DMTF1: variants seen among roughly 807,000 people sequenced by gnomAD.
DMTF1 encodes cyclin-D-binding Myb-like transcription factor 1.
DMTF1 carries 39 observed loss-of-function variants against 91.1 expected under a neutral mutation model. The ratio of observed to expected loss-of-function variants is 0.43; its 90% CI spans 0.33 to 0.56. DMTF1 has a LOEUF of 0.56. Ranked by LOEUF, DMTF1 falls within the 20% of genes least tolerant of loss-of-function variation. The pLI is 0.05. For synonymous variants in DMTF1, 338 were observed against 309.5 expected, an observed-to-expected ratio of 1.09 and a Z score of -0.97; for missense variants, 750 against 914.5, an observed-to-expected ratio of 0.82 and a Z score of 2.32.
chr7:87,164,822 C>A, intron 2 of DMTF1, 112 bp from the exon 3 acceptor site: 1 of 545,196 alleles, frequency 1.8e-6, no homozygotes, highest in Non-Finnish European at 3.1e-6. Context: ...ATGAAGAACA[C>A]TGTAGGCAGA....
intron 1 of DMTF1, among the ~76,000 whole-genome samples, chr7:87,161,881 G>A (rs1310815789): frequency 6.6e-6 from 1 of 152,184 alleles, no homozygotes; most frequent in East Asian, 1.9e-4. Flanking sequence ...ATATAAATTT[G>A]TGCAATTTTT....
intron 11 of DMTF1, 124 bp from the exon 12 acceptor site, chr7:87,185,705 A>G (rs1798254103): frequency 2.8e-6 from 3 of 1,079,132 alleles, no homozygotes; most frequent in Admixed American, 4.1e-5. Context: ...TAACTTAACA[A>G]TAGCATCTCA....
In DMTF1 at chr7:87,185,692, G is replaced by A. The variant is rs189287223; in HGVS notation, c.1050-137G>A. ...ATCTGCACTCCTGGAATCCTTTCCC[G>A]TGTAACTTAACAATAGCATCTCATT... On this transcript the variant is annotated intron_variant, in intron 11 of 17. Coordinates refer to ENST00000331242, the MANE Select transcript of DMTF1 (RefSeq NM_001142327.2). 1.8e-3 allele frequency: 1,764 copies of A among 961,814 alleles called. 10 individuals carry two copies. Among genetic ancestry groups the A allele is most frequent in the South Asian group, 5.3e-3 (331 of 62,638 alleles). The allele number at this position is 961,814 out of a possible 1,614,324, so 59.6% of individuals were successfully genotyped here. A position where few individuals can be genotyped will look rare whatever the true frequency, so the allele number is the denominator to read the frequency against.
intron 10 of DMTF1, among the ~76,000 whole-genome samples, chr7:87,182,540 C>T (rs1365789277): frequency 6.6e-6 from 1 of 152,178 alleles, no homozygotes; most frequent in African/African-American, 2.4e-5. Context: ...GTAACATTGT[C>T]TTCAGGGACA....
At position 87,174,572 on chromosome 7, in the gene DMTF1, ATTACT is replaced by A; in HGVS notation, c.443-19_443-15del. On this transcript the variant is annotated splice_polypyrimidine_tract_variant and intron_variant, in intron 6 of 17. Coordinates refer to ENST00000331242, the MANE Select transcript of DMTF1 (RefSeq NM_001142327.2). ...TTCAAGGAGTAACATTTTTTATAAC[ATTACT>A]TGTTTTCTTTTAAAGGACATAAATG... 1 of 1,521,288 alleles carries A rather than the reference ATTACT, an allele frequency of 6.6e-7. No homozygotes were observed. The highest frequency in any genetic ancestry group is 9.0e-7 in the Non-Finnish European group (1 of 1,106,550). 94.2% of individuals were successfully genotyped at this position (1,521,288 alleles called of 1,614,324 possible).
At chr7:87,186,203 T>C (rs1297772039) in intron 12 of DMTF1, 3 of 505,180 alleles carry the variant, frequency 5.9e-6, no homozygotes, top group Admixed American at 7.0e-5. Flanking sequence ...CACTTATTCT[T>C]GTTCTTCTAC....
chr7:87,153,788 C>T (rs1789966803), intron 1 of DMTF1, among the ~76,000 whole-genome samples: 2 of 152,084 alleles, frequency 1.3e-5, no homozygotes, highest in Admixed American at 1.3e-4. Flanking sequence ...TAAATTATAC[C>T]TGTATTTTTA....
At position 87,193,321 on chromosome 7, in the gene DMTF1, T is replaced by A; in HGVS notation, c.1618T>A (p.Ser540Thr). 2.5e-6 allele frequency: 4 copies of A among 1,613,398 alleles called. No individual in the cohort carries two copies. The highest frequency in any genetic ancestry group is 3.4e-6 in the Non-Finnish European group (4 of 1,179,538). Residue 540 changes from serine to threonine, a missense_variant, in exon 15 of 18, where the codon TCT (serine) becomes ACT (threonine). Coordinates refer to ENST00000331242, the MANE Select transcript of DMTF1 (RefSeq NM_001142327.2). ...AACCCTGACAGCTGCTGCTCCTGCT[T>A]CTCCTGAACAGATTATTGTTCATGC... is the stretch of plus-strand genomic sequence containing the variant. ...TVTLTAAAPASPEQIIVHALS... is the reference protein window; with the variant it reads ...TVTLTAAAPATPEQIIVHALS...
intron 8 of DMTF1, among the ~76,000 whole-genome samples, chr7:87,180,856 CT>C (rs397889347): frequency 0.069 from 8,792 of 127,590 alleles, 194 homozygotes; most frequent in African/African-American, 0.1. Flanking sequence ...TTATTTTCAA[CT>C]TTTTTTTTTT....
At position 87,196,162 on chromosome 7, in the gene DMTF1, T is replaced by C. The variant is rs1180192707; in HGVS notation, c.*1022T>C. 6.5e-6 allele frequency: 1 copy of C among 153,524 alleles called. No homozygotes were observed. Among genetic ancestry groups the C allele is most frequent in the East Asian group, 1.9e-4 (1 of 5,222 alleles). The allele number at this position is 153,524 out of a possible 1,614,324, so 9.5% of individuals were successfully genotyped here. The stretch of plus-strand genomic sequence containing the variant: ...TAGAAAAGTCAAGAAAAAAAAACCC[T>C]TGTATAAATTATTTTATTTATTATT... On this transcript the variant is annotated 3_prime_UTR_variant, in exon 18 of 18. Transcript: ENST00000331242.
chr7:87,181,440 A>G lies in DMTF1; in HGVS notation c.710+99A>G, dbSNP rs571547425. 26 of 586,508 alleles carry G rather than the reference A, an allele frequency of 4.4e-5. No individual in the cohort carries two copies. In the East Asian group the frequency reaches 6.8e-4, roughly 15 times the overall value. 36.3% of individuals were successfully genotyped at this position (586,508 alleles called of 1,614,324 possible). ...TTCAAGAGGTTTTTGGCAGACTGGT[A>G]TAATTGAATTGTGCTATTAAGCATG... On this transcript the variant is annotated intron_variant, in intron 9 of 17. Transcript: ENST00000331242.
In DMTF1 at chr7:87,188,373, G is replaced by A; in HGVS notation, c.1411+72G>A. Reference sequence around the variant, plus strand: ...TTGGTTAATGGCTCTGATGTCTTTTGGTTTTCTAGAATGTTAATAGAAATT... The same window carrying A: ...TTGGTTAATGGCTCTGATGTCTTTTAGTTTTCTAGAATGTTAATAGAAATT... On this transcript the variant is annotated intron_variant, in intron 13 of 17. Transcript: ENST00000331242. 7 of 1,506,710 alleles carry A rather than the reference G, an allele frequency of 4.6e-6. No individual in the cohort carries two copies. The East Asian group carries it at 1.1e-4, about 24-fold the overall frequency. The allele number at this position is 1,506,710 out of a possible 1,614,324, so 93.3% of individuals were successfully genotyped here.
At chr7:87,172,158 T>G (rs1019304643) in intron 5 of DMTF1, among the ~76,000 whole-genome samples, 26 of 152,196 alleles carry the variant, frequency 1.7e-4, no homozygotes, top group Non-Finnish European at 1.5e-5. Context: ...GTTACACTCT[T>G]TACTGATGTA....
At chr7:87,168,459 G>GCTCTAA (rs1794328291) in intron 4 of DMTF1, among the ~76,000 whole-genome samples, 1 of 151,946 alleles carries the variant, frequency 6.6e-6, no homozygotes, top group Non-Finnish European at 1.5e-5. Context: ...TTCCTGTAGG[G>GCTCTAA]CTCTAACTCT....
chr7:87,192,959 T>C, intron 14 of DMTF1: 1 of 462,094 alleles, frequency 2.2e-6, no homozygotes. Flanking sequence ...CATACAACTG[T>C]CTTGGTGCCC....
chr7:87,167,249 G>A (rs563558869), intron 4 of DMTF1, among the ~76,000 whole-genome samples: 26 of 152,260 alleles, frequency 1.7e-4, no homozygotes, highest in African/African-American at 5.5e-4. Flanking sequence ...AGTTCTTAAT[G>A]TGTTTCTATT....
At chr7:87,176,563 A>G (rs1221899029) in intron 7 of DMTF1, among the ~76,000 whole-genome samples, 1 of 152,164 alleles carries the variant, frequency 6.6e-6, no homozygotes, top group African/African-American at 2.4e-5. Flanking sequence ...CAAAGGACTT[A>G]AACTACAGTG....
intron 9 of DMTF1, chr7:87,182,013 C>T (rs1244700693): frequency 6.6e-7 from 1 of 1,523,068 alleles, no homozygotes. Context: ...CTTCTCTGAC[C>T]CAGGAAAAAG....
chr7:87,174,797 C>G (rs903995877), intron 7 of DMTF1, 128 bp downstream of exon 7: 10 of 529,572 alleles, frequency 1.9e-5, no homozygotes, highest in Non-Finnish European at 2.7e-5. Flanking sequence ...TTCATAATGG[C>G]TAACATGTAG....
Sources: allele counts gnomAD v4.1 joint callset (sites outside exome capture counted in the v4.1 genomes callset), GRCh38; gene constraint gnomAD v4.1.1; transcripts MANE v1.5; gene names NCBI Gene and HGNC (gene_info 2026-07-23, HGNC 2026-07-21).